ANKRD28: variants seen among roughly 807,000 people sequenced by gnomAD.
ANKRD28 encodes ankyrin repeat domain 28, also known as serine/threonine-protein phosphatase 6 regulatory ankyrin repeat subunit A.
A neutral mutation model predicts 126.5 loss-of-function variants in ANKRD28; 44 were observed. The observed-to-expected ratio is 0.35, with a 90% CI of 0.27 to 0.45. The LOEUF (loss-of-function observed/expected upper bound fraction) is 0.45, where lower values mean the gene tolerates loss of function less well. Ranked by LOEUF, ANKRD28 falls within the 20% of genes least tolerant of loss-of-function variation. The probability of loss-of-function intolerance (pLI) is 1.00; values close to 1 mark genes in which losing one functional copy is unlikely to be tolerated. For missense variants in ANKRD28, 1,110 were observed against 1,316.6 expected (o/e 0.84, Z 2.43); for synonymous variants, 442 against 468.5 (o/e 0.94, Z 0.73).
chr3:15,817,077 C>T lies in ANKRD28; in HGVS notation c.28-21771G>A, dbSNP rs559979234. On this transcript the variant is annotated intron_variant, in intron 1 of 27. Transcript: ENST00000399451. This position sits in a 1 kb window ranked among gnomAD's most constrained non-coding sequence, Gnocchi z 4.5. ...CAAAAGAAACCCAAACAAAAGCACACATCTGAATACTGTAAAGGCCCAGTC... is the reference window on the plus strand; with the variant it reads ...CAAAAGAAACCCAAACAAAAGCACATATCTGAATACTGTAAAGGCCCAGTC... Among the ~76,000 whole-genome samples the T allele has an allele frequency of 1.3e-5, 2 of 152,218 alleles. No individual in the cohort carries two copies. Among genetic ancestry groups the T allele is most frequent in the South Asian group, 4.1e-4 (2 of 4,824 alleles).
chr3:15,762,935 T>C (rs1002538192), intron 3 of ANKRD28, among the ~76,000 whole-genome samples: 4 of 152,114 alleles, frequency 2.6e-5, no homozygotes, highest in African/African-American at 9.7e-5. Flanking sequence ...ATCATGGAGG[T>C]GCTAAGAGGT....
chr3:15,818,389 CA>C (rs2060876873), intron 1 of ANKRD28, among the ~76,000 whole-genome samples: 1 of 152,132 alleles, frequency 6.6e-6, no homozygotes, highest in Non-Finnish European at 1.5e-5. Context: ...AAATAGTTTA[CA>C]AAATTACCTT....
intron 2 of ANKRD28, among the ~76,000 whole-genome samples, chr3:15,766,586 C>G (rs2058749647): frequency 6.6e-6 from 1 of 152,074 alleles, no homozygotes. Flanking sequence ...AGGAGAATCA[C>G]TTGAGCCTGC....
At chr3:15,796,037 A>C (rs1229100339) in intron 1 of ANKRD28, among the ~76,000 whole-genome samples, 2 of 152,148 alleles carry the variant, frequency 1.3e-5, no homozygotes, top group Non-Finnish European at 2.9e-5. Flanking sequence ...GCCATGCCTT[A>C]GTGTTGCTGG....
rs772546655 is a variant in ANKRD28, at chr3:15,795,343, T to C, written c.118-37A>G. 2.9e-6 allele frequency: 4 copies of C among 1,378,580 alleles called. No individual in the cohort carries two copies. In the East Asian group the frequency reaches 9.2e-5, roughly 32 times the overall value. 85.4% of individuals were successfully genotyped at this position (1,378,580 alleles called of 1,614,324 possible). ...GAGAGTAATAAAAACATTAGAATCA[T>C]CCATGTGGGGTGACTAAGGATATTT... On this transcript the variant is annotated intron_variant, in intron 1 of 27. Coordinates refer to ENST00000683139, the MANE Select transcript of ANKRD28 (RefSeq NM_001349278.2).
Position 15,722,350 on chromosome 3 carries a change from A to C in ANKRD28, c.784-1223T>G, listed in dbSNP as rs574976079. 8.5e-5 allele frequency among the ~76,000 whole-genome samples: 13 copies of C among 152,326 alleles called. No homozygotes were observed. The South Asian group carries it at 2.7e-3, about 32-fold the overall frequency. On this transcript the variant is annotated intron_variant, in intron 7 of 27. Transcript: ENST00000683139. The stretch of plus-strand genomic sequence containing the variant: ...TTGGAAATACTTCATTCATACTGTC[A>C]CACACTGATGCCAGGGAAGAACAGT...
intron 15 of ANKRD28, among the ~76,000 whole-genome samples, 157 bp downstream of exon 15, chr3:15,695,977 T>A (rs1380397221): frequency 6.6e-6 from 1 of 152,136 alleles, no homozygotes; most frequent in East Asian, 1.9e-4. Flanking sequence ...ATGAGATATA[T>A]CTTACTAAAG....
intron 4 of ANKRD28, among the ~76,000 whole-genome samples, chr3:15,739,089 C>T (rs1212369466): frequency 6.6e-6 from 1 of 152,104 alleles, no homozygotes; most frequent in African/African-American, 2.4e-5. Context: ...TTATCCTGTT[C>T]TTTTTTTAAG....
intron 3 of ANKRD28, among the ~76,000 whole-genome samples, chr3:15,756,889 T>C (rs1162771083): frequency 2.0e-5 from 3 of 152,208 alleles, no homozygotes; most frequent in East Asian, 1.9e-4. Flanking sequence ...CCTAATCTAA[T>C]TGGTCACTAA....
In ANKRD28 at chr3:15,737,025, C is replaced by T; in HGVS notation, c.552+8G>A. ...AGAAAAATAATGGTCTAATTGAATGCCACCTACCTCACCATGTCCACTGAA... is the reference window on the plus strand; with the variant it reads ...AGAAAAATAATGGTCTAATTGAATGTCACCTACCTCACCATGTCCACTGAA... On this transcript the variant is annotated splice_region_variant and intron_variant, in intron 5 of 27. Coordinates refer to ENST00000683139, the MANE Select transcript of ANKRD28 (RefSeq NM_001349278.2). 2 of 1,613,582 alleles carry T rather than the reference C, an allele frequency of 1.2e-6. No individual in the cohort carries two copies. The highest frequency in any genetic ancestry group is 1.7e-6 in the Non-Finnish European group (2 of 1,179,686).
At chr3:15,681,136 G>T (rs1478733817) in intron 21 of ANKRD28, among the ~76,000 whole-genome samples, 2 of 152,014 alleles carry the variant, frequency 1.3e-5, no homozygotes, top group Admixed American at 6.6e-5. Context: ...GTACAAAATG[G>T]TTTATTTGTG....
upstream of ANKRD28, among the ~76,000 whole-genome samples, chr3:15,801,819 C>T (rs113462972): frequency 0.019 from 2,966 of 152,228 alleles, 101 homozygotes; most frequent in African/African-American, 0.067. The surrounding 1 kb of genome is among the most constrained non-coding windows in gnomAD (Gnocchi z 4.9). Flanking sequence ...TAACTCTCTG[C>T]AGGTAATATA....
At chr3:15,696,683 C>G (rs990176749) in intron 14 of ANKRD28, among the ~76,000 whole-genome samples, 7 of 151,760 alleles carry the variant, frequency 4.6e-5, no homozygotes, top group African/African-American at 1.7e-4. Flanking sequence ...GGATGTTAAA[C>G]AAAACAAAAC....
intron 1 of ANKRD28, among the ~76,000 whole-genome samples, chr3:15,837,843 G>A (rs1427069686): frequency 6.7e-6 from 1 of 149,972 alleles, no homozygotes; most frequent in African/African-American, 2.5e-5. Context: ...ACCAAAATTT[G>A]GTTTTTTAAA....
chr3:15,692,108 C>T (rs1300602736), intron 17 of ANKRD28, among the ~76,000 whole-genome samples: 1 of 149,754 alleles, frequency 6.7e-6, no homozygotes, highest in African/African-American at 2.5e-5. Flanking sequence ...CCACTGCAAC[C>T]CAGCCTGGGT....
intron 6 of ANKRD28, among the ~76,000 whole-genome samples, chr3:15,728,077 A>G (rs2074312374): frequency 6.6e-6 from 1 of 152,214 alleles, no homozygotes; most frequent in Admixed American, 6.5e-5. Flanking sequence ...CCAAACCTTC[A>G]GCAACCATTC....
chr3:15,848,902 A>T (rs1399581150), intron 1 of ANKRD28, among the ~76,000 whole-genome samples: 1 of 152,196 alleles, frequency 6.6e-6, no homozygotes, highest in Non-Finnish European at 1.5e-5. Context: ...TCCAGACTGG[A>T]AAGAAAAAAG....
At chr3:15,786,597 T>C (rs1195126576) in intron 2 of ANKRD28, among the ~76,000 whole-genome samples, 1 of 152,100 alleles carries the variant, frequency 6.6e-6, no homozygotes, top group Admixed American at 6.6e-5. Flanking sequence ...TTTTACACTT[T>C]ATATATATGC....
At chr3:15,677,107 A>G in intron 25 of ANKRD28, 51 bp from the exon 26 acceptor site, 1 of 1,412,208 alleles carries the variant, frequency 7.1e-7, no homozygotes, top group Non-Finnish European at 1.0e-6. Flanking sequence ...TTAAAGATAC[A>G]TTTATACACC....
Sources: gnomAD v4.1 joint callset for allele counts (sites outside exome capture counted in the v4.1 genomes callset) on GRCh38, gnomAD v4.1.1 for gene constraint, Gnocchi (gnomAD v3.1) non-coding constraint, MANE v1.5 for transcripts, NCBI Gene and HGNC (gene_info 2026-07-23, HGNC 2026-07-21) for gene names.